PRDM16: variants seen among roughly 807,000 people sequenced by gnomAD.
PRDM16 encodes histone-lysine N-methyltransferase PRDM16.
PRDM16 carries 23 observed loss-of-function variants against 110.6 expected under a neutral mutation model. The ratio of observed to expected loss-of-function variants is 0.21; its 90% CI spans 0.15 to 0.29. The LOEUF is 0.29. PRDM16 is among the 10% of genes least tolerant of loss of function. PRDM16 has a pLI of 1.00. For missense variants in PRDM16, 1,615 were observed against 1,794.3 expected (o/e 0.90, Z 1.81); for synonymous variants, 799 against 781.8 (o/e 1.02, Z -0.37).
At chr1:3,371,392 A>T (rs1011513361) in intron 3 of PRDM16, among the ~76,000 whole-genome samples, 2 of 150,262 alleles carry the variant, frequency 1.3e-5, no homozygotes, top group Non-Finnish European at 3.0e-5. Flanking sequence ...CCATTCACCC[A>T]CCCATGCATC....
chr1:3,190,749 A>G lies in PRDM16; in HGVS notation c.387+4275A>G, dbSNP rs937845752. On this transcript the variant is annotated intron_variant, in intron 2 of 16. Transcript: ENST00000270722. The surrounding 1 kb of genome is among the most constrained non-coding windows in gnomAD (Gnocchi z 5.0). ...GCCGAAGCCCACCTGCCTGGAGGAA[A>G]TCACCCGTGAGCGCATTTGCTCGCC... is the stretch of plus-strand genomic sequence containing the variant. Among the ~76,000 whole-genome samples, 5 of 152,250 alleles carry G rather than the reference A, an allele frequency of 3.3e-5. No individual in the cohort carries two copies. The highest frequency in any genetic ancestry group is 1.2e-4 in the African/African-American group (5 of 41,466).
chr1:3,147,573 A>C (rs1010489167), intron 1 of PRDM16, among the ~76,000 whole-genome samples: 2 of 152,130 alleles, frequency 1.3e-5, no homozygotes, highest in Non-Finnish European at 2.9e-5. Context: ...ATTGCCCTGC[A>C]TGGTCTTTGT....
intron 3 of PRDM16, among the ~76,000 whole-genome samples, chr1:3,377,101 A>G (rs4648489): frequency 0.62 from 93,924 of 152,204 alleles, 29,530 homozygotes; most frequent in African/African-American, 0.72. Flanking sequence ...TGCCTATGAC[A>G]GCCCCATAGC....
rs750388478 is a variant in PRDM16 at position 3,433,746 on chromosome 1, G to A, written c.3766G>A (p.Ala1256Thr). The A allele has an allele frequency of 1.3e-5, 21 of 1,613,830 alleles. No individual in the cohort carries two copies. Among genetic ancestry groups the A allele is most frequent in the East Asian group, 2.2e-5 (1 of 44,888 alleles). ...LHTPSQGSLD[A>T]WLKVTGATSE... The stretch of plus-strand genomic sequence containing the variant: ...CACCCCCTCCCAGGGTTCTCTGGAC[G>A]CTTGGTTGAAGGTCACTGGAGCCAC... The change falls in exon 17 of 17, where the codon GCT becomes ACT. Residue 1256 changes from alanine (A) to threonine (T), a missense_variant. Coordinates refer to ENST00000270722, the MANE Select transcript of PRDM16 (RefSeq NM_022114.4).
At chr1:3,086,834 G>A (rs140111411) in intron 1 of PRDM16, among the ~76,000 whole-genome samples, 48 of 152,236 alleles carry the variant, frequency 3.2e-4, no homozygotes, top group African/African-American at 8.9e-4. Flanking sequence ...GCAGAAATGC[G>A]CTCGCGCCTG....
At position 3,208,576 on chromosome 1, in the gene PRDM16, G is replaced by A. The variant is rs1189129981; in HGVS notation, c.387+22102G>A. 1.3e-5 allele frequency: 2 copies of A among 151,568 alleles called. No homozygotes were observed. Among genetic ancestry groups the A allele is most frequent in the African/African-American group, 4.9e-5 (2 of 41,068 alleles). The allele number at this position is 151,568 out of a possible 1,614,324, so 9.4% of individuals were successfully genotyped here. A position where few individuals can be genotyped will look rare whatever the true frequency, so the allele number is the denominator to read the frequency against. ...AGCTACTTGGGAGGCTGAGGCAGAA[G>A]AATCGCTTGAACCCAGGAGGCAGAA... On this transcript the variant is annotated intron_variant, in intron 2 of 16. Coordinates refer to ENST00000270722, the MANE Select transcript of PRDM16 (RefSeq NM_022114.4). The surrounding 1 kb of genome is among the most constrained non-coding windows in gnomAD (Gnocchi z 6.1).
chr1:3,349,063 G>A (rs958912341), intron 3 of PRDM16, among the ~76,000 whole-genome samples: 37 of 152,246 alleles, frequency 2.4e-4, no homozygotes, highest in African/African-American at 8.4e-4. Flanking sequence ...AGAGGCTGGG[G>A]CTTTGTAATA....
At chr1:3,270,251 G>A (rs1471061504) in intron 3 of PRDM16, among the ~76,000 whole-genome samples, 2 of 150,642 alleles carry the variant, frequency 1.3e-5, no homozygotes, top group African/African-American at 4.9e-5. Context: ...GACAGTCCAG[G>A]AGAAGGACAG....
intron 1 of PRDM16, among the ~76,000 whole-genome samples, chr1:3,110,318 G>A (rs113155251): frequency 1.7e-4 from 22 of 128,784 alleles, no homozygotes; most frequent in Admixed American, 2.4e-4. Flanking sequence ...TGTCCTGGGT[G>A]TGGGGACACA....
chr1:3,268,908 C>G (rs1640361667), intron 3 of PRDM16, among the ~76,000 whole-genome samples: 1 of 152,250 alleles, frequency 6.6e-6, no homozygotes, highest in African/African-American at 2.4e-5. Context: ...ACTTCAGCTG[C>G]TGTATTTTCA....
chr1:3,407,763 C>G (rs56021162), intron 8 of PRDM16, among the ~76,000 whole-genome samples: 14,159 of 152,282 alleles, frequency 0.093, 712 homozygotes, highest in African/African-American at 0.12. Context: ...GCCCACTGTT[C>G]CCACCACACT....
chr1:3,339,502 G>A lies in PRDM16; in HGVS notation c.439-45650G>A, dbSNP rs553545434. ...GGCTTCCTGGAGGAAGTGCTACTTA[G>A]GCTGGGATTTCAAGAGCAACAAAGC... is the stretch of plus-strand genomic sequence containing the variant. On this transcript the variant is annotated intron_variant, in intron 3 of 16. Coordinates refer to ENST00000270722, the MANE Select transcript of PRDM16 (RefSeq NM_022114.4). The surrounding 1 kb of genome is among the most constrained non-coding windows in gnomAD (Gnocchi z 5.0). Among the ~76,000 whole-genome samples, 1 of 152,260 alleles carries A rather than the reference G, an allele frequency of 6.6e-6. No homozygotes were observed. The highest frequency in any genetic ancestry group is 2.1e-4 in the South Asian group (1 of 4,826).
intron 3 of PRDM16, among the ~76,000 whole-genome samples, chr1:3,346,756 A>C (rs1334485091): frequency 6.6e-6 from 1 of 152,110 alleles, no homozygotes; most frequent in Non-Finnish European, 1.5e-5. Flanking sequence ...CTGTGAGGTG[A>C]GGGTGGGTGG....
At chr1:3,124,657 C>T (rs9887973) in intron 1 of PRDM16, among the ~76,000 whole-genome samples, 4 of 152,178 alleles carry the variant, frequency 2.6e-5, no homozygotes, top group East Asian at 1.9e-4. Flanking sequence ...GGCCTTGGAG[C>T]GGAAGGAAGA....
At chr1:3,276,124 G>C (rs539570694) in intron 3 of PRDM16, among the ~76,000 whole-genome samples, 2 of 152,364 alleles carry the variant, frequency 1.3e-5, no homozygotes, top group South Asian at 4.1e-4. Context: ...GGCTTCAAGG[G>C]GGGAGAAACC....
At chr1:3,154,651 C>T (rs994979323) in intron 1 of PRDM16, among the ~76,000 whole-genome samples, 14 of 152,122 alleles carry the variant, frequency 9.2e-5, no homozygotes, top group Admixed American at 5.2e-4. Flanking sequence ...TTCACGCAGT[C>T]GGCCGGGCAT....
At chr1:3,334,477 G>C (rs1642104958) in intron 3 of PRDM16, among the ~76,000 whole-genome samples, 1 of 152,176 alleles carries the variant, frequency 6.6e-6, no homozygotes, top group African/African-American at 2.4e-5. Context: ...TGAGGACCAG[G>C]TCCTCAAATT....
At chr1:3,321,536 GTA>G (rs1224972178) in intron 3 of PRDM16, among the ~76,000 whole-genome samples, 2 of 130,838 alleles carry the variant, frequency 1.5e-5, no homozygotes, top group African/African-American at 9.0e-5. Flanking sequence ...ATGTGTGTGT[GTA>G]TGTACGTTTG....
chr1:3,166,847 G>A (rs924126118), intron 1 of PRDM16, among the ~76,000 whole-genome samples: 33 of 152,198 alleles, frequency 2.2e-4, no homozygotes, highest in Admixed American at 7.9e-4. Flanking sequence ...TGTGTCTGGC[G>A]CTGGCCGTGC....
Sources: gnomAD v4.1 joint callset for allele counts (sites outside exome capture counted in the v4.1 genomes callset) on GRCh38, gnomAD v4.1.1 for gene constraint, Gnocchi (gnomAD v3.1) non-coding constraint, MANE v1.5 for transcripts, NCBI Gene and HGNC (gene_info 2026-07-23, HGNC 2026-07-21) for gene names.